Variants in U2AF2 observed in about 807,000 individuals in gnomAD.
U2AF2 encodes the protein U2 small nuclear RNA auxiliary factor 2.
U2AF2 carries 6 observed loss-of-function variants against 52.6 expected under a neutral mutation model. The ratio of observed to expected loss-of-function variants is 0.11; its 90% CI spans 0.06 to 0.23. U2AF2 has a LOEUF of 0.23. U2AF2 is among the 10% of genes least tolerant of loss of function. The pLI is 1.00. For synonymous variants in U2AF2, 284 were observed against 258.2 expected (o/e 1.10, Z -0.96); for missense variants, 222 against 677.1 (o/e 0.33, Z 7.46).
In U2AF2 at chr19:55,662,490, T is replaced by C. The variant is rs776516085; in HGVS notation, c.487-12T>C. ...CCCCCGCCCCCCCCCTTGTCTCCTA[T>C]TCCCTCTGCAGGAGGCCATGATGGA... On this transcript the variant is annotated splice_polypyrimidine_tract_variant and intron_variant, in intron 5 of 11. Coordinates refer to ENST00000308924, the MANE Select transcript of U2AF2 (RefSeq NM_007279.3). The C allele has an allele frequency of 2.9e-6, 2 of 695,774 alleles. No individual in the cohort carries two copies. The highest frequency in any genetic ancestry group is 2.4e-6 in the Non-Finnish European group (1 of 412,372). The allele number at this position is 695,774 out of a possible 1,614,324, so 43.1% of individuals were successfully genotyped here. A position where few individuals can be genotyped will look rare whatever the true frequency, so the allele number is the denominator to read the frequency against.
At chr19:55,672,439 G>C (rs1475556430) in intron 11 of U2AF2, among the ~76,000 whole-genome samples, 1 of 152,082 alleles carries the variant, frequency 6.6e-6, no homozygotes, top group African/African-American at 2.4e-5. Context: ...TTTTGGGTCA[G>C]ATAACTTCTC....
chr19:55,659,138 C>T (rs2123673606), intron 1 of U2AF2, 72 bp from the exon 2 acceptor site: 2 of 1,425,484 alleles, frequency 1.4e-6, no homozygotes, highest in Non-Finnish European at 1.9e-6. Context: ...ACATAGCCAC[C>T]AGCGCGCAGG....
chr19:55,663,545 C>A, intron 6 of U2AF2, 61 bp from the exon 7 acceptor site: 1 of 1,562,484 alleles, frequency 6.4e-7, no homozygotes, highest in South Asian at 1.2e-5. Context: ...AATCCTGGAA[C>A]ACTAGGGGCT....
At position 55,668,602 on chromosome 19, in the gene U2AF2, C is replaced by A; in HGVS notation, c.822+16C>A. The A allele has an allele frequency of 6.3e-7, 1 of 1,598,918 alleles. No individual in the cohort carries two copies. Among genetic ancestry groups the A allele is most frequent in the Non-Finnish European group, 8.5e-7 (1 of 1,170,168 alleles). ...CGATGACCAGGTAACTTCCCTGCCT[C>A]CCTCCAGACCCGTCCCCCCACCCCG... is the stretch of plus-strand genomic sequence containing the variant. On this transcript the variant is annotated intron_variant, in intron 8 of 11. Transcript: ENST00000308924. This position sits in a 1 kb window ranked among gnomAD's most constrained non-coding sequence, Gnocchi z 5.5.
Position 55,661,538 on chromosome 19 carries a change from A to G in U2AF2, c.486+349A>G, listed in dbSNP as rs937753927. 1.6e-4 allele frequency among the ~76,000 whole-genome samples: 22 copies of G among 133,724 alleles called. 1 individual carries two copies. In the South Asian group the frequency reaches 5.4e-3, roughly 33 times the overall value. 87.7% of individuals were successfully genotyped at this position (133,724 alleles called of 152,430 possible). A position where few individuals can be genotyped will look rare whatever the true frequency, so the allele number is the denominator to read the frequency against. On this transcript the variant is annotated intron_variant, in intron 5 of 11. Transcript: ENST00000308924. ...CACACACACACACACACACACACAC[A>G]CACAGACGCACGCTGCCCCTCAGTT... is the stretch of plus-strand genomic sequence containing the variant.
At chr19:55,657,876 C>A (rs779674276) in intron 1 of U2AF2, among the ~76,000 whole-genome samples, 13 of 152,104 alleles carry the variant, frequency 8.5e-5, no homozygotes, top group Non-Finnish European at 1.3e-4. Context: ...GTTTCCTTAC[C>A]CATTATGTCA....
At chr19:55,663,246 G>A (rs1224307918) in intron 6 of U2AF2, among the ~76,000 whole-genome samples, 1 of 152,094 alleles carries the variant, frequency 6.6e-6, no homozygotes, top group Non-Finnish European at 1.5e-5. Flanking sequence ...CATTGCTCCG[G>A]AGATGGGCTG....
At chr19:55,656,504 C>A (rs905874133) in intron 1 of U2AF2, among the ~76,000 whole-genome samples, 59 of 152,008 alleles carry the variant, frequency 3.9e-4, no homozygotes, top group African/African-American at 1.4e-3. Flanking sequence ...TATTTTTTTC[C>A]ATTTGTAGAC....
chr19:55,670,011 G>A (rs1416272891), intron 11 of U2AF2, among the ~76,000 whole-genome samples: 2 of 152,110 alleles, frequency 1.3e-5, no homozygotes, highest in Non-Finnish European at 2.9e-5. Flanking sequence ...CCCTTATATG[G>A]CCTGGCTTGT....
chr19:55,669,918 G>A (rs112093260), intron 11 of U2AF2, among the ~76,000 whole-genome samples: 2 of 152,170 alleles, frequency 1.3e-5, no homozygotes, highest in African/African-American at 2.4e-5. Flanking sequence ...GGGGTTTGTG[G>A]CCCTGTGGGG....
At chr19:55,669,043 C>G in intron 9 of U2AF2, 40 bp from the exon 10 acceptor site, 1 of 1,598,752 alleles carries the variant, frequency 6.3e-7, no homozygotes, top group Non-Finnish European at 8.5e-7. Context: ...CTGACCCCAC[C>G]TCTCCCCGCA....
rs773691258 is a variant in U2AF2, at chr19:55,660,235, C to T, written c.230+14C>T. 6 of 1,595,160 alleles carry T rather than the reference C, an allele frequency of 3.8e-6. No homozygotes were observed. In the African/African-American group the frequency reaches 6.7e-5, roughly 18 times the overall value. On this transcript the variant is annotated intron_variant, in intron 3 of 11. Transcript: ENST00000308924. The stretch of plus-strand genomic sequence containing the variant: ...CGGTGGACTGATGTGAGCTTCTCTT[C>T]CTGCCCCTTCCTCCCTGATGTCCAC...
intron 7 of U2AF2, among the ~76,000 whole-genome samples, chr19:55,666,180 C>T (rs1600079587): frequency 6.6e-6 from 1 of 152,180 alleles, no homozygotes; most frequent in African/African-American, 2.4e-5. Context: ...TCCTCTCAGG[C>T]GCCCCCTGCA....
At chr19:55,670,921 G>T (rs376270746) in intron 11 of U2AF2, among the ~76,000 whole-genome samples, 4 of 152,332 alleles carry the variant, frequency 2.6e-5, no homozygotes, top group South Asian at 4.1e-4. Context: ...GGCAGAGAGG[G>T]TGCTGTGGAC....
At position 55,674,170 on chromosome 19, in the gene U2AF2, C is replaced by A; in HGVS notation, c.*102C>A. On this transcript the variant is annotated 3_prime_UTR_variant, in exon 12 of 12. Transcript: ENST00000308924. ...AAGACGATGGGCAGAGGAGTGACAG[C>A]CGCAGACACACGACAGCCGGCAGCA... is the stretch of plus-strand genomic sequence containing the variant. 1.7e-6 allele frequency: 2 copies of A among 1,181,132 alleles called. No individual in the cohort carries two copies. Among genetic ancestry groups the A allele is most frequent in the Non-Finnish European group, 2.2e-6 (2 of 912,344 alleles). The allele number at this position is 1,181,132 out of a possible 1,614,324, so 73.2% of individuals were successfully genotyped here.
intron 2 of U2AF2, among the ~76,000 whole-genome samples, chr19:55,659,668 C>T (rs1049694333): frequency 5.3e-5 from 8 of 151,696 alleles, no homozygotes; most frequent in Non-Finnish European, 1.0e-4. Flanking sequence ...ACTCTGAGGG[C>T]CTGTTCCTTC....
chr19:55,672,203 A>G (rs1984966246), intron 11 of U2AF2: 1 of 151,844 alleles, frequency 6.6e-6, no homozygotes. Flanking sequence ...TTTCAAATAT[A>G]CTTAAAAGTA....
At chr19:55,665,319 G>C (rs375388552) in intron 7 of U2AF2, among the ~76,000 whole-genome samples, 315 of 128,546 alleles carry the variant, frequency 2.5e-3, no homozygotes, top group African/African-American at 7.7e-3. Flanking sequence ...GCCCTCCATG[G>C]ACGGCAGTTC....
intron 11 of U2AF2, among the ~76,000 whole-genome samples, chr19:55,672,729 A>ATTT (rs74179629): frequency 1.4e-5 from 2 of 141,276 alleles, no homozygotes; most frequent in South Asian, 2.2e-4. Context: ...TATCTCAAGA[A>ATTT]TTTTTTTTTT....
Sources: gnomAD v4.1 joint callset for allele counts (sites outside exome capture counted in the v4.1 genomes callset) on GRCh38, gnomAD v4.1.1 for gene constraint, Gnocchi (gnomAD v3.1) non-coding constraint, MANE v1.5 for transcripts, NCBI Gene and HGNC (gene_info 2026-07-23, HGNC 2026-07-21) for gene names.